The following WDPCP variants were observed in gnomAD, a reference collection of about 807,000 sequenced individuals.
The protein encoded by WDPCP is WD repeat-containing and planar cell polarity effector protein fritz homolog.
A neutral mutation model predicts 93.1 loss-of-function variants in WDPCP; 71 were observed. The ratio of observed to expected loss-of-function variants is 0.76; its 90% CI spans 0.63 to 0.93. WDPCP has a LOEUF of 0.93. Ranked by LOEUF, WDPCP falls within the 40% of genes least tolerant of loss-of-function variation. The pLI, the probability that WDPCP is intolerant of heterozygous loss-of-function variation, is 0.00. For synonymous variants in WDPCP, 315 were observed against 315.0 expected, an observed-to-expected ratio of 1.00 and a Z score of 0.00; for missense variants, 844 against 887.4, an observed-to-expected ratio of 0.95 and a Z score of 0.62.
chr2:63,793,316 A>C (rs1670569207), intron 2 of WDPCP, among the ~76,000 whole-genome samples: 1 of 152,194 alleles, frequency 6.6e-6, no homozygotes, highest in Admixed American at 6.6e-5. Context: ...TTCCAAAATG[A>C]TTGAAATGAG....
intron 6 of WDPCP, among the ~76,000 whole-genome samples, chr2:63,467,780 A>G (rs1017870726): frequency 6.8e-6 from 1 of 148,110 alleles, no homozygotes; most frequent in East Asian, 2.0e-4. Flanking sequence ...AGTCTCCAAA[A>G]AAAAAAAAAA....
At chr2:63,810,026 C>G (rs551841120) in intron 2 of WDPCP, among the ~76,000 whole-genome samples, 1 of 152,080 alleles carries the variant, frequency 6.6e-6, no homozygotes, top group Admixed American at 6.6e-5. Context: ...TAGTCAGAAT[C>G]CACACTACTC....
intron 6 of WDPCP, among the ~76,000 whole-genome samples, chr2:63,444,033 C>A (rs1045362005): frequency 1.3e-5 from 2 of 152,042 alleles, no homozygotes; most frequent in Non-Finnish European, 2.9e-5. Flanking sequence ...TGGGGGACTA[C>A]AGAGGTATAT....
chr2:63,622,930 T>A, intron 3 of WDPCP: 1 of 1,004,488 alleles, frequency 1.0e-6, no homozygotes, highest in Non-Finnish European at 1.5e-6. Context: ...GGCGCACACC[T>A]GCTGCCAGGC....
chr2:63,528,498 A>C (rs1180225663), intron 1 of WDPCP, among the ~76,000 whole-genome samples: 2 of 152,016 alleles, frequency 1.3e-5, no homozygotes, highest in Non-Finnish European at 2.9e-5. Context: ...TCTTGTTTTT[A>C]TCAGGTTTGT....
chr2:63,492,839 A>C lies in WDPCP; in HGVS notation c.160+17T>G. On this transcript the variant is annotated intron_variant, in intron 2 of 17. Coordinates refer to ENST00000272321, the MANE Select transcript of WDPCP (RefSeq NM_015910.7). The stretch of plus-strand genomic sequence containing the variant: ...ACATATTTGAAAAATATTGAAATTA[A>C]TCCAGAGCTCATTTACCCGCAATGT... The C allele has an allele frequency of 6.2e-7, 1 of 1,611,100 alleles. No homozygotes were observed. Among genetic ancestry groups the C allele is most frequent in the Non-Finnish European group, 8.5e-7 (1 of 1,177,540 alleles).
intron 3 of WDPCP, among the ~76,000 whole-genome samples, chr2:63,616,099 T>G (rs975448500): frequency 6.6e-6 from 1 of 152,204 alleles, no homozygotes; most frequent in Admixed American, 6.5e-5. Flanking sequence ...TGGAACATAC[T>G]ATAAATAACA....
intron 1 of WDPCP, among the ~76,000 whole-genome samples, chr2:63,535,316 C>T (rs1318385039): frequency 2.6e-5 from 4 of 152,174 alleles, no homozygotes; most frequent in African/African-American, 9.7e-5. Context: ...AATGCCATCC[C>T]CATCAAGCTA....
At chr2:63,512,826 G>A (rs889729421) in intron 1 of WDPCP, among the ~76,000 whole-genome samples, 1 of 151,856 alleles carries the variant, frequency 6.6e-6, no homozygotes, top group African/African-American at 2.4e-5. Flanking sequence ...AACCACCATG[G>A]CACATGTATA....
intron 8 of WDPCP, among the ~76,000 whole-genome samples, chr2:63,435,754 A>C (rs1697097801): frequency 6.6e-6 from 1 of 152,166 alleles, no homozygotes; most frequent in East Asian, 1.9e-4. Context: ...GATTTGACTA[A>C]GTATTAAAAA....
intron 9 of WDPCP, among the ~76,000 whole-genome samples, chr2:63,432,472 A>T (rs913754279): frequency 2.0e-5 from 3 of 152,150 alleles, no homozygotes; most frequent in Admixed American, 6.6e-5. Context: ...CCCTGGTATG[A>T]AATACAGTGT....
At chr2:63,509,185 A>G (rs1702067805) in intron 1 of WDPCP, among the ~76,000 whole-genome samples, 2 of 152,224 alleles carry the variant, frequency 1.3e-5, no homozygotes, top group Non-Finnish European at 2.9e-5. Flanking sequence ...AATTGGAAGT[A>G]AAACACTCCT....
chr2:63,375,257 G>A (rs1307141939), intron 12 of WDPCP, among the ~76,000 whole-genome samples: 2 of 151,894 alleles, frequency 1.3e-5, no homozygotes, highest in Non-Finnish European at 1.5e-5. Context: ...TCATTTCCCT[G>A]TTCAGTACTT....
chr2:63,239,361 A>C (rs1286115207), intron 14 of WDPCP, among the ~76,000 whole-genome samples: 2 of 151,946 alleles, frequency 1.3e-5, no homozygotes, highest in African/African-American at 2.4e-5. Context: ...GACTATAAAA[A>C]CTCTGATTCT....
At chr2:63,698,038 C>A (rs1364126444) in intron 2 of WDPCP, among the ~76,000 whole-genome samples, 1 of 151,990 alleles carries the variant, frequency 6.6e-6, no homozygotes, top group Admixed American at 6.5e-5. Context: ...TCACTGCAAC[C>A]TCCACTTCCT....
At chr2:63,265,250 T>A (rs1176526968) in intron 13 of WDPCP, among the ~76,000 whole-genome samples, 1 of 151,854 alleles carries the variant, frequency 6.6e-6, no homozygotes, top group African/African-American at 2.4e-5. Flanking sequence ...AGTTGGTTTT[T>A]GAAAAGATAA....
chr2:63,810,982 A>T (rs78661248), intron 2 of WDPCP, among the ~76,000 whole-genome samples: 108 of 152,336 alleles, frequency 7.1e-4, no homozygotes, highest in Non-Finnish European at 1.2e-3. Flanking sequence ...AGTGAGAAAA[A>T]CCAGCAAAAT....
At chr2:63,715,259 T>G (rs950754612) in intron 2 of WDPCP, among the ~76,000 whole-genome samples, 20 of 152,266 alleles carry the variant, frequency 1.3e-4, no homozygotes, top group African/African-American at 4.8e-4. Flanking sequence ...GTTTTTCACC[T>G]TAAAATGGTT....
upstream of WDPCP, chr2:63,589,105 T>G: frequency 1.9e-6 from 3 of 1,614,228 alleles, no homozygotes; most frequent in Non-Finnish European, 2.5e-6. Flanking sequence ...GAGTGGGGTT[T>G]CTTGCACTTT....
Sources: allele counts gnomAD v4.1 joint callset (sites outside exome capture counted in the v4.1 genomes callset), GRCh38; gene constraint gnomAD v4.1.1; transcripts MANE v1.5; gene names NCBI Gene and HGNC (gene_info 2026-07-23, HGNC 2026-07-21).